CLIP1: variants seen among roughly 807,000 people sequenced by gnomAD.
CLIP1 encodes the protein CAP-Gly domain containing linker protein 1, also known as CAP-Gly domain-containing linker protein 1.
Under a neutral mutation model 161.6 loss-of-function variants are expected in CLIP1, and 66 were observed. The ratio of observed to expected loss-of-function variants is 0.41; its 90% CI spans 0.33 to 0.50. The LOEUF is 0.50. Among genes scored for constraint, CLIP1 ranks in the 20% least tolerant of loss-of-function variants. The pLI, the probability that CLIP1 is intolerant of heterozygous loss-of-function variation, is 0.27. For missense variants in CLIP1, 1,376 were observed against 1,702.0 expected, an observed-to-expected ratio of 0.81 and a Z score of 3.37; for synonymous variants, 598 against 626.2, an observed-to-expected ratio of 0.96 and a Z score of 0.67.
intron 1 of CLIP1, among the ~76,000 whole-genome samples, chr12:122,383,308 C>T (rs1955089106): frequency 6.6e-6 from 1 of 152,228 alleles, no homozygotes; most frequent in Non-Finnish European, 1.5e-5. Flanking sequence ...AGCTGTTGGG[C>T]TCACGTCAAG....
chr12:122,393,304 G>A (rs1053302395), intron 1 of CLIP1, among the ~76,000 whole-genome samples: 1 of 152,024 alleles, frequency 6.6e-6, no homozygotes, highest in African/African-American at 2.4e-5. Flanking sequence ...GGGATTACAG[G>A]CGTGTGCCAC....
intron 1 of CLIP1, among the ~76,000 whole-genome samples, chr12:122,389,301 C>T (rs1232365889): frequency 5.3e-5 from 8 of 152,142 alleles, no homozygotes; most frequent in Admixed American, 2.6e-4. Context: ...TTTTACCCAG[C>T]ACTTTATAAA....
intron 3 of CLIP1, among the ~76,000 whole-genome samples, chr12:122,377,101 C>A (rs1260525889): frequency 5.3e-5 from 8 of 151,892 alleles, no homozygotes; most frequent in Admixed American, 3.9e-4. Context: ...CCTCCACCTC[C>A]CAGGTTCAGG....
chr12:122,305,789 T>G (rs6488916), intron 20 of CLIP1, among the ~76,000 whole-genome samples: 15,440 of 151,908 alleles, frequency 0.1, 2,553 homozygotes, highest in African/African-American at 0.35. Context: ...GTCAGATGGC[T>G]GAGCGCAGTG....
At chr12:122,346,875 G>T (rs538504864) in intron 10 of CLIP1, among the ~76,000 whole-genome samples, 49 of 152,292 alleles carry the variant, frequency 3.2e-4, no homozygotes, top group African/African-American at 1.2e-3. Context: ...AGATAAAAAG[G>T]TAACTGGGGT....
At chr12:122,340,716 A>G in intron 11 of CLIP1, 37 bp downstream of exon 11, 1 of 1,467,654 alleles carries the variant, frequency 6.8e-7, no homozygotes. Flanking sequence ...AAGAATAACA[A>G]ATGGAAAAGA....
intron 1 of CLIP1, among the ~76,000 whole-genome samples, chr12:122,407,023 C>CT (rs1593262293): frequency 6.6e-6 from 1 of 152,036 alleles, no homozygotes; most frequent in Non-Finnish European, 1.5e-5. Context: ...ATTCCTGTGA[C>CT]TTTGTAACTC....
chr12:122,327,897 A>C, intron 17 of CLIP1, 50 bp downstream of exon 17: 2 of 1,567,252 alleles, frequency 1.3e-6, no homozygotes, highest in African/African-American at 1.3e-5. Flanking sequence ...CTGCCTCGAC[A>C]CAGAGCTCAG....
chr12:122,418,455 A>G (rs760514257), intron 1 of CLIP1, among the ~76,000 whole-genome samples: 2 of 152,190 alleles, frequency 1.3e-5, no homozygotes, highest in African/African-American at 4.8e-5. Flanking sequence ...AAAGAAATTG[A>G]TTATTTGGAT....
rs1222741740 is a variant in CLIP1, at chr12:122,361,016, G to C, written c.948C>G (p.Leu316=). The change falls in exon 5 of 26, where the codon CTC becomes CTG. Residue 316 remains leucine, a synonymous_variant. Transcript: ENST00000620786. ...AGGAGGCCACTGAGCTCATGGAGCT[G>C]AGGGAAGAGGCAGAAGGGCTGCGCT... The part of the protein sequence containing the change: ...SLKRSPSASS[L]SSMSSVASSV... 6.2e-7 allele frequency: 1 copy of C among 1,614,058 alleles called. No homozygotes were observed. The highest frequency in any genetic ancestry group is 1.3e-5 in the African/African-American group (1 of 74,936).
At chr12:122,275,767 C>T (rs1232419314) in intron 24 of CLIP1, 1 of 152,102 alleles carries the variant, frequency 6.6e-6, no homozygotes, top group African/African-American at 2.4e-5. Flanking sequence ...ATGGAAATTT[C>T]CTTCAGACTC....
At chr12:122,364,898 T>C (rs1954053076) in intron 3 of CLIP1, 4 of 595,970 alleles carry the variant, frequency 6.7e-6, no homozygotes, top group South Asian at 5.6e-5. Context: ...AAGGTGATAT[T>C]GCAGCCATAA....
chr12:122,377,011 A>AT (rs1292855847), intron 3 of CLIP1, among the ~76,000 whole-genome samples: 1,478 of 135,874 alleles, frequency 0.011, 20 homozygotes, highest in African/African-American at 0.018. Context: ...TATTTCTGGC[A>AT]TTTTTTTTTT....
intron 5 of CLIP1, among the ~76,000 whole-genome samples, chr12:122,356,361 G>A (rs1269005179): frequency 1.3e-5 from 2 of 152,106 alleles, no homozygotes; most frequent in Admixed American, 6.5e-5. Context: ...ACTAGTTTGA[G>A]GCAATTCAGT....
intron 1 of CLIP1, among the ~76,000 whole-genome samples, chr12:122,410,016 G>A (rs1031071335): frequency 2.0e-5 from 3 of 150,950 alleles, no homozygotes; most frequent in Non-Finnish European, 3.0e-5. Flanking sequence ...GACTACAGGC[G>A]CCTGTCACCA....
chr12:122,407,792 ATTC>A (rs1339046182), intron 1 of CLIP1, among the ~76,000 whole-genome samples: 1 of 132,144 alleles, frequency 7.6e-6, no homozygotes, highest in Non-Finnish European at 1.6e-5. Context: ...TTCCCTTTCC[ATTC>A]TTCACAAAGG....
intron 4 of CLIP1, among the ~76,000 whole-genome samples, chr12:122,363,061 G>A (rs758667206): frequency 1.3e-5 from 2 of 152,126 alleles, no homozygotes; most frequent in African/African-American, 2.4e-5. Context: ...TAATAATCAA[G>A]TGATGCATTA....
At position 122,311,154 on chromosome 12, in the gene CLIP1, A is replaced by G. The variant is rs1435681415; in HGVS notation, c.3474-1272T>C. On this transcript the variant is annotated intron_variant, in intron 19 of 25. Coordinates refer to ENST00000620786, the MANE Select transcript of CLIP1 (RefSeq NM_001247997.2). This position sits in a 1 kb window ranked among gnomAD's most constrained non-coding sequence, Gnocchi z 4.3. ...TACACACATATCACAGTGAAAGTTCATCTGTCCAAAGTCCATCAATCTTTG... is the reference window on the plus strand; with the variant it reads ...TACACACATATCACAGTGAAAGTTCGTCTGTCCAAAGTCCATCAATCTTTG... 6.6e-6 allele frequency among the ~76,000 whole-genome samples: 1 copy of G among 152,158 alleles called. No homozygotes were observed. The highest frequency in any genetic ancestry group is 1.9e-4 in the East Asian group (1 of 5,196).
At chr12:122,289,867 G>T (rs1175639006) in intron 20 of CLIP1, among the ~76,000 whole-genome samples, 1 of 150,576 alleles carries the variant, frequency 6.6e-6, no homozygotes, top group Non-Finnish European at 1.5e-5. Context: ...GGAGTGCAGT[G>T]GTGCAATCTC....
Sources: allele counts gnomAD v4.1 joint callset (sites outside exome capture counted in the v4.1 genomes callset), GRCh38; gene constraint gnomAD v4.1.1; non-coding constraint Gnocchi (gnomAD v3.1); transcripts MANE v1.5; gene names NCBI Gene and HGNC (gene_info 2026-07-23, HGNC 2026-07-21).